The following RBPMS variants were observed in gnomAD, a reference collection of about 807,000 sequenced individuals.
The protein encoded by RBPMS is RNA binding protein, mRNA processing factor.
Under a neutral mutation model 26.8 loss-of-function variants are expected in RBPMS, and 7 were observed. That is an observed-to-expected ratio of 0.26 (90% CI 0.15 to 0.49). The LOEUF is 0.49. Ranked by LOEUF, RBPMS falls within the 20% of genes least tolerant of loss-of-function variation. The pLI, the probability that RBPMS is intolerant of heterozygous loss-of-function variation, is 0.98. For synonymous variants in RBPMS, 96 were observed against 93.3 expected (o/e 1.03, Z -0.17); for missense variants, 186 against 250.0 (o/e 0.74, Z 1.73).
rs1187854798 is a variant in RBPMS, at chr8:30,549,822, C to CTTT, written c.528+5199_528+5200insTTT. Among the ~76,000 whole-genome samples, 43 of 143,612 alleles carry CTTT rather than the reference C, an allele frequency of 3.0e-4. 1 individual carries two copies. Among genetic ancestry groups the CTTT allele is most frequent in the Admixed American group, 9.0e-4 (13 of 14,444 alleles). 94.2% of individuals were successfully genotyped at this position (143,612 alleles called of 152,430 possible). A position where few individuals can be genotyped will look rare whatever the true frequency, so the allele number is the denominator to read the frequency against. On this transcript the variant is annotated intron_variant, in intron 6 of 8. Coordinates refer to ENST00000397323, the MANE Select transcript of RBPMS (RefSeq NM_001008710.3). ...CCCTCTCTCCTCTCTCTCTCTCTCTCTCTCTTTTCTTTCTTTTCTTTCTTT... is the reference window on the plus strand; with the variant it reads ...CCCTCTCTCCTCTCTCTCTCTCTCTCTTTTCTCTTTTCTTTCTTTTCTTTCTTT...
At chr8:30,505,012 G>T (rs1820942865) in intron 5 of RBPMS, among the ~76,000 whole-genome samples, 1 of 152,134 alleles carries the variant, frequency 6.6e-6, no homozygotes. Context: ...AACTTAATTG[G>T]ATAAGGACAC....
chr8:30,497,889 T>G (rs936587884), intron 4 of RBPMS, among the ~76,000 whole-genome samples: 1 of 151,904 alleles, frequency 6.6e-6, no homozygotes, highest in Non-Finnish European at 1.5e-5. Context: ...CCCAAAGTGC[T>G]GGGATTACAG....
chr8:30,423,744 A>C (rs1811062037), intron 1 of RBPMS, among the ~76,000 whole-genome samples: 1 of 152,092 alleles, frequency 6.6e-6, no homozygotes, highest in East Asian at 1.9e-4. Flanking sequence ...CCAAGAGAGA[A>C]GATCTCTCTC....
intron 4 of RBPMS, among the ~76,000 whole-genome samples, chr8:30,488,524 C>A (rs1413765812): frequency 6.6e-6 from 1 of 152,148 alleles, no homozygotes; most frequent in Non-Finnish European, 1.5e-5. Context: ...GTTCACACCT[C>A]TTAGAATGCT....
At chr8:30,436,797 T>G (rs1204246366) in intron 1 of RBPMS, among the ~76,000 whole-genome samples, 1 of 152,198 alleles carries the variant, frequency 6.6e-6, no homozygotes, top group Non-Finnish European at 1.5e-5. Flanking sequence ...GTGTCAAATT[T>G]ATAAAGGAGT....
chr8:30,387,869 CTT>C (rs1054984010), intron 1 of RBPMS, among the ~76,000 whole-genome samples: 1 of 152,120 alleles, frequency 6.6e-6, no homozygotes, highest in African/African-American at 2.4e-5. Flanking sequence ...TGAAATGCCT[CTT>C]TGGTTCTAAT....
In RBPMS at chr8:30,431,494, G is replaced by C. The variant is rs1012234827; in HGVS notation, c.67-43285G>C. Among the ~76,000 whole-genome samples the C allele has an allele frequency of 3.4e-5, 5 of 148,100 alleles. No homozygotes were observed. The Admixed American group carries it at 3.4e-4, about 10-fold the overall frequency. On this transcript the variant is annotated intron_variant, in intron 1 of 8. Transcript: ENST00000397323. ...TTGAGACGGACTCTCTCATTCTGTCGCCCAGACTGGAGTACAGTGGTGTGA... is the reference window on the plus strand; with the variant it reads ...TTGAGACGGACTCTCTCATTCTGTCCCCCAGACTGGAGTACAGTGGTGTGA...
chr8:30,457,866 G>T (rs557637555), intron 1 of RBPMS, among the ~76,000 whole-genome samples: 5 of 152,200 alleles, frequency 3.3e-5, no homozygotes, highest in African/African-American at 1.2e-4. Flanking sequence ...GTGAGCCACC[G>T]CCCTAGCCTT....
intron 7 of RBPMS, chr8:30,564,795 G>A (rs555644820): frequency 9.8e-5 from 15 of 152,698 alleles, no homozygotes; most frequent in East Asian, 9.6e-4. Flanking sequence ...ATTCCTGGCC[G>A]GACTCTGGCT....
chr8:30,561,849 TC>T (rs1827514847), intron 7 of RBPMS: 18 of 985,150 alleles, frequency 1.8e-5, no homozygotes, highest in Non-Finnish European at 2.2e-5. Context: ...AGAGAAGACA[TC>T]CATTGTGAAG....
rs533554003 is a variant in RBPMS, at chr8:30,546,751, C to T, written c.528+2127C>T. Among the ~76,000 whole-genome samples, 11 of 152,308 alleles carry T rather than the reference C, an allele frequency of 7.2e-5. 1 individual carries two copies. The East Asian group carries it at 1.5e-3, about 21-fold the overall frequency. On this transcript the variant is annotated intron_variant, in intron 6 of 8. Coordinates refer to ENST00000397323, the MANE Select transcript of RBPMS (RefSeq NM_001008710.3). ...CAGTCATGGACTCTATGAACAAATACGGTTATTTAAATGTATTTGTCCAGT... is the reference window on the plus strand; with the variant it reads ...CAGTCATGGACTCTATGAACAAATATGGTTATTTAAATGTATTTGTCCAGT...
chr8:30,524,540 T>C (rs957057930), intron 5 of RBPMS, among the ~76,000 whole-genome samples: 3 of 152,170 alleles, frequency 2.0e-5, no homozygotes, highest in African/African-American at 4.8e-5. Flanking sequence ...TCTTCTCTCC[T>C]TCCACTACAG....
At chr8:30,425,661 G>A (rs1195482021) in intron 1 of RBPMS, among the ~76,000 whole-genome samples, 1 of 152,018 alleles carries the variant, frequency 6.6e-6, no homozygotes, top group Non-Finnish European at 1.5e-5. Context: ...CGGCCTCCCA[G>A]AGTGCTAGGA....
intron 1 of RBPMS, among the ~76,000 whole-genome samples, chr8:30,437,772 CAG>C: frequency 7.2e-6 from 1 of 139,360 alleles, no homozygotes; most frequent in Admixed American, 7.7e-5. Context: ...GCCTGGGTGA[CAG>C]AGCGAGACTC....
chr8:30,459,872 C>G (rs936688939), intron 1 of RBPMS, among the ~76,000 whole-genome samples: 1 of 152,206 alleles, frequency 6.6e-6, no homozygotes, highest in Admixed American at 6.5e-5. Context: ...TTCTCAACCA[C>G]AAACCTCGCC....
intron 5 of RBPMS, among the ~76,000 whole-genome samples, chr8:30,514,548 A>G (rs974069633): frequency 1.3e-5 from 2 of 149,858 alleles, no homozygotes; most frequent in East Asian, 1.9e-4. Flanking sequence ...ATGTTAATGA[A>G]TTTTTTTTTT....
intron 4 of RBPMS, 33 bp downstream of exon 4, chr8:30,479,410 C>A: frequency 6.8e-7 from 1 of 1,462,232 alleles, no homozygotes; most frequent in Non-Finnish European, 9.5e-7. Context: ...TAGGGGGTTT[C>A]CATATGAGGT....
intron 1 of RBPMS, among the ~76,000 whole-genome samples, chr8:30,426,458 T>C (rs1811357302): frequency 6.6e-6 from 1 of 152,184 alleles, no homozygotes; most frequent in South Asian, 2.1e-4. Context: ...AGATTACAAA[T>C]TGAAGGGTGA....
At chr8:30,509,037 G>A (rs937818394) in intron 5 of RBPMS, among the ~76,000 whole-genome samples, 1 of 152,132 alleles carries the variant, frequency 6.6e-6, no homozygotes, top group African/African-American at 2.4e-5. Flanking sequence ...GCTCCAAGGA[G>A]TCCGGTTCTG....
Sources: allele counts gnomAD v4.1 joint callset (sites outside exome capture counted in the v4.1 genomes callset), GRCh38; gene constraint gnomAD v4.1.1; transcripts MANE v1.5; gene names NCBI Gene and HGNC (gene_info 2026-07-23, HGNC 2026-07-21).